CA10: variants seen among roughly 807,000 people sequenced by gnomAD.
CA10 encodes the protein carbonic anhydrase-related protein 10.
Under a neutral mutation model 44.2 loss-of-function variants are expected in CA10, and 14 were observed. That is an observed-to-expected ratio of 0.32 (90% CI 0.21 to 0.50). The LOEUF is 0.50. Among genes scored for constraint, CA10 ranks in the 20% least tolerant of loss-of-function variants. The probability of loss-of-function intolerance (pLI) is 0.99; values close to 1 mark genes in which losing one functional copy is unlikely to be tolerated. For synonymous variants in CA10, 159 were observed against 141.6 expected (o/e 1.12, Z -0.87); for missense variants, 350 against 409.7 (o/e 0.85, Z 1.26).
At chr17:51,715,641 T>A (rs1916086035) in intron 4 of CA10, among the ~76,000 whole-genome samples, 1 of 152,220 alleles carries the variant, frequency 6.6e-6, no homozygotes, top group African/African-American at 2.4e-5. Flanking sequence ...ATGTGCAATT[T>A]ATTATTGACT....
At chr17:52,083,648 A>G (rs781313015) in intron 1 of CA10, among the ~76,000 whole-genome samples, 2 of 152,068 alleles carry the variant, frequency 1.3e-5, no homozygotes, top group Non-Finnish European at 2.9e-5. Context: ...GCTCTCACTT[A>G]TAAGTATTTG....
chr17:52,012,164 C>T (rs1408875771), intron 2 of CA10, among the ~76,000 whole-genome samples: 1 of 151,966 alleles, frequency 6.6e-6, no homozygotes, highest in Non-Finnish European at 1.5e-5. Context: ...TAATGATTAT[C>T]TTGATATTAC....
chr17:52,036,460 T>C (rs1048091232), intron 2 of CA10, among the ~76,000 whole-genome samples: 51 of 152,202 alleles, frequency 3.4e-4, no homozygotes, highest in African/African-American at 1.1e-3. Context: ...ATAGGAAACA[T>C]TGGGACCCCA....
intron 4 of CA10, among the ~76,000 whole-genome samples, chr17:51,660,556 A>G (rs897098952): frequency 6.6e-6 from 1 of 152,168 alleles, no homozygotes; most frequent in Admixed American, 6.5e-5. Flanking sequence ...GCACTAGTGC[A>G]TGCCGGGGGC....
intron 4 of CA10, among the ~76,000 whole-genome samples, chr17:51,698,227 C>T (rs956306036): frequency 2.0e-5 from 3 of 152,192 alleles, no homozygotes; most frequent in African/African-American, 7.2e-5. Context: ...CCTAGAAACT[C>T]AGAAAATGCT....
At chr17:51,965,899 C>G (rs1477636841) in intron 2 of CA10, among the ~76,000 whole-genome samples, 2 of 151,774 alleles carry the variant, frequency 1.3e-5, no homozygotes, top group African/African-American at 4.8e-5. Flanking sequence ...TAAAAAGCAT[C>G]CAAATAGGAA....
intron 7 of CA10, among the ~76,000 whole-genome samples, chr17:51,635,495 A>T (rs1201817722): frequency 1.3e-5 from 2 of 151,888 alleles, no homozygotes; most frequent in Non-Finnish European, 2.9e-5. Flanking sequence ...CCTGGGTGAC[A>T]AGAGCGAGAC....
chr17:51,907,255 C>T (rs1981596072), intron 3 of CA10, among the ~76,000 whole-genome samples: 1 of 152,032 alleles, frequency 6.6e-6, no homozygotes, highest in South Asian at 2.1e-4. Flanking sequence ...CAGCTGTTCT[C>T]TTTGGCTCAA....
chr17:51,873,271 T>C (rs1377004909), intron 3 of CA10, among the ~76,000 whole-genome samples: 1 of 152,212 alleles, frequency 6.6e-6, no homozygotes, highest in East Asian at 1.9e-4. Context: ...ACAATGAGGA[T>C]AGACAACTAG....
chr17:51,649,888 A>C (rs969380798), intron 5 of CA10, among the ~76,000 whole-genome samples: 4 of 149,860 alleles, frequency 2.7e-5, no homozygotes, highest in African/African-American at 7.6e-5. Flanking sequence ...GAAAAAAAAA[A>C]AAACTGAAAA....
At chr17:51,665,849 G>A (rs1420248142) in intron 4 of CA10, among the ~76,000 whole-genome samples, 1 of 152,238 alleles carries the variant, frequency 6.6e-6, no homozygotes, top group Non-Finnish European at 1.5e-5. Flanking sequence ...ACTGTATGTA[G>A]AATTGAAACC....
chr17:52,096,790 T>C (rs1026732634), intron 1 of CA10, among the ~76,000 whole-genome samples: 2 of 152,240 alleles, frequency 1.3e-5, no homozygotes, highest in African/African-American at 4.8e-5. Context: ...TTTGCAAATA[T>C]GCTTTTGGTT....
At position 51,715,932 on chromosome 17, in the gene CA10, C is replaced by T. The variant is rs1395623279; in HGVS notation, c.465+31701G>A. On this transcript the variant is annotated intron_variant, in intron 4 of 8. Transcript: ENST00000451037. ...CTCGAACTCCTGACCTCAGGTGATCCGCCCACCTCGGCCTCCCAAAGTATT... is the reference window on the plus strand; with the variant it reads ...CTCGAACTCCTGACCTCAGGTGATCTGCCCACCTCGGCCTCCCAAAGTATT... 3.3e-5 allele frequency among the ~76,000 whole-genome samples: 5 copies of T among 152,254 alleles called. No individual in the cohort carries two copies. In the Middle Eastern group the frequency reaches 0.01, roughly 311 times the overall value.
At chr17:51,810,838 A>C (rs1907332170) in intron 3 of CA10, among the ~76,000 whole-genome samples, 1 of 152,190 alleles carries the variant, frequency 6.6e-6, no homozygotes, top group Admixed American at 6.5e-5. Flanking sequence ...TGATCAAAAT[A>C]AATATTTTCT....
At chr17:52,097,107 C>G (rs921479717) in intron 1 of CA10, among the ~76,000 whole-genome samples, 5 of 64,800 alleles carry the variant, frequency 7.7e-5, no homozygotes, top group African/African-American at 3.2e-4. Flanking sequence ...CTAGGATATC[C>G]CATTTTTAAA....
chr17:52,102,168 C>T (rs1220346812), intron 1 of CA10, among the ~76,000 whole-genome samples: 2 of 152,180 alleles, frequency 1.3e-5, no homozygotes, highest in Non-Finnish European at 2.9e-5. Flanking sequence ...ATAACACTCT[C>T]TCAGCTTTTA....
At chr17:51,664,785 G>A (rs750213578) in intron 4 of CA10, among the ~76,000 whole-genome samples, 1 of 152,148 alleles carries the variant, frequency 6.6e-6, no homozygotes, top group African/African-American at 2.4e-5. Flanking sequence ...ACAATGCGAA[G>A]TTTTATCCTC....
intron 1 of CA10, among the ~76,000 whole-genome samples, chr17:52,096,689 A>G (rs137936384): frequency 1.1e-4 from 16 of 152,300 alleles, no homozygotes; most frequent in South Asian, 8.3e-4. Context: ...TGAAAAAAAT[A>G]ATTACAGATA....
chr17:51,925,934 G>C (rs192731391), intron 3 of CA10, among the ~76,000 whole-genome samples: 46 of 152,246 alleles, frequency 3.0e-4, no homozygotes, highest in Non-Finnish European at 3.1e-4. Flanking sequence ...CAGGGGCTGA[G>C]GGGGATGGAA....
Sources: allele counts gnomAD v4.1 joint callset (sites outside exome capture counted in the v4.1 genomes callset), GRCh38; gene constraint gnomAD v4.1.1; transcripts MANE v1.5; gene names NCBI Gene and HGNC (gene_info 2026-07-23, HGNC 2026-07-21).